The following MEGF11 variants were observed in gnomAD, a reference collection of about 807,000 sequenced individuals.
MEGF11 encodes the protein multiple EGF like domains 11.
In MEGF11, 126 loss-of-function variants were observed where a neutral mutation model predicts 146.6. That is an observed-to-expected ratio of 0.86 (90% CI 0.74 to 1.00). The LOEUF (loss-of-function observed/expected upper bound fraction) is 1.00. Ranked by LOEUF, MEGF11 falls within the 50% of genes least tolerant of loss-of-function variation. The probability of loss-of-function intolerance (pLI) is 0.00; values close to 1 mark genes in which losing one functional copy is unlikely to be tolerated. For missense variants in MEGF11, 1,509 were observed against 1,521.2 expected (o/e 0.99, Z 0.13); for synonymous variants, 532 against 583.4 (o/e 0.91, Z 1.27).
intron 10 of MEGF11, among the ~76,000 whole-genome samples, chr15:65,933,308 A>G (rs1206238946): frequency 2.0e-5 from 3 of 152,206 alleles, no homozygotes; most frequent in Non-Finnish European, 4.4e-5. Flanking sequence ...CTGGGTGCAG[A>G]CTGCAGGCAC....
intron 5 of MEGF11, among the ~76,000 whole-genome samples, chr15:66,026,620 A>T (rs2083339578): frequency 6.6e-6 from 1 of 151,636 alleles, no homozygotes; most frequent in Admixed American, 6.6e-5. Context: ...AGTAGCTGGG[A>T]TTACAGGCGC....
chr15:66,173,590 A>G (rs1027536254), intron 1 of MEGF11, among the ~76,000 whole-genome samples: 11 of 152,332 alleles, frequency 7.2e-5, no homozygotes, highest in African/African-American at 2.6e-4. Flanking sequence ...GTGTGGCATT[A>G]CAGGTGTGAA....
chr15:66,210,592 G>A (rs2091419711), intron 1 of MEGF11, among the ~76,000 whole-genome samples: 1 of 152,198 alleles, frequency 6.6e-6, no homozygotes, highest in African/African-American at 2.4e-5. Context: ...TTCTGGGTAA[G>A]GAAGCATGGG....
At chr15:66,134,132 G>T (rs1340974302) in intron 1 of MEGF11, among the ~76,000 whole-genome samples, 1 of 152,144 alleles carries the variant, frequency 6.6e-6, no homozygotes, top group East Asian at 1.9e-4. Context: ...GAGAGCAAGT[G>T]GCCCTGACAT....
chr15:66,067,081 T>C (rs1280079079), intron 5 of MEGF11, among the ~76,000 whole-genome samples: 1 of 152,214 alleles, frequency 6.6e-6, no homozygotes, highest in South Asian at 2.1e-4. Context: ...AGGTTTGATA[T>C]GAGGATTCAA....
chr15:65,923,573 G>A (rs1209998848), intron 13 of MEGF11, among the ~76,000 whole-genome samples: 1 of 152,158 alleles, frequency 6.6e-6, no homozygotes, highest in African/African-American at 2.4e-5. Flanking sequence ...ACATACAATA[G>A]AAACCAGTAC....
In MEGF11 at chr15:66,021,196, C is replaced by T. The variant is rs57643445; in HGVS notation, c.395-38708G>A. On this transcript the variant is annotated intron_variant, in intron 5 of 25. Coordinates refer to ENST00000395614, the MANE Select transcript of MEGF11 (RefSeq NM_001385028.1). ...GCCCACCCCTACCTTGTCTGGTGCT[C>T]CTGCTCCTTGATATTGTCATAAGTC... Among the ~76,000 whole-genome samples the T allele has an allele frequency of 3.9e-4, 60 of 152,228 alleles. 1 individual carries two copies. In the East Asian group the frequency reaches 8.3e-3, roughly 21 times the overall value.
intron 1 of MEGF11, among the ~76,000 whole-genome samples, chr15:66,151,203 C>T (rs1336711854): frequency 6.6e-6 from 1 of 152,182 alleles, no homozygotes; most frequent in East Asian, 1.9e-4. Context: ...AGCCACAAAG[C>T]CCTGACCAAA....
chr15:65,924,372 G>GT (rs1390154323), intron 13 of MEGF11, among the ~76,000 whole-genome samples: 110 of 136,934 alleles, frequency 8.0e-4, no homozygotes, highest in African/African-American at 2.7e-3. Context: ...TGGGGTGTGG[G>GT]TGGGGGGGGG....
At chr15:66,060,357 C>G (rs1036837122) in intron 5 of MEGF11, among the ~76,000 whole-genome samples, 4 of 152,194 alleles carry the variant, frequency 2.6e-5, no homozygotes, top group Non-Finnish European at 5.9e-5. Flanking sequence ...TTTCCATGCC[C>G]TTGAGACCCC....
At chr15:65,908,398 C>T (rs1317981238) in intron 23 of MEGF11, among the ~76,000 whole-genome samples, 1 of 152,152 alleles carries the variant, frequency 6.6e-6, no homozygotes, top group Non-Finnish European at 1.5e-5. Context: ...CCCATGATAC[C>T]TTCTGTAACT....
intron 1 of MEGF11, among the ~76,000 whole-genome samples, chr15:66,173,145 G>A (rs989529367): frequency 1.3e-5 from 2 of 151,616 alleles, no homozygotes; most frequent in South Asian, 4.4e-4. Context: ...CCTTTCTTAT[G>A]GTCTTTGTAT....
intron 5 of MEGF11, among the ~76,000 whole-genome samples, chr15:66,035,542 G>A (rs181583854): frequency 1.3e-5 from 2 of 152,256 alleles, no homozygotes; most frequent in Admixed American, 6.5e-5. Flanking sequence ...CAAAGCCAAA[G>A]CTTTTATCCA....
At chr15:66,133,600 A>T (rs2088755194) in intron 1 of MEGF11, among the ~76,000 whole-genome samples, 1 of 152,010 alleles carries the variant, frequency 6.6e-6, no homozygotes, top group African/African-American at 2.4e-5. Context: ...GCTGGCTCCC[A>T]GTCCCCAGCC....
At chr15:66,011,457 C>T (rs1490163922) in intron 5 of MEGF11, among the ~76,000 whole-genome samples, 2 of 152,224 alleles carry the variant, frequency 1.3e-5, no homozygotes, top group East Asian at 3.9e-4. Flanking sequence ...GTGTGGCCAC[C>T]CACTTGTGAA....
At chr15:65,916,310 C>T (rs899125708) in intron 17 of MEGF11, 34 bp from the exon 18 acceptor site, 1 of 1,541,228 alleles carries the variant, frequency 6.5e-7, no homozygotes. Context: ...ACGAGAGTTG[C>T]TGCTGGGTGG....
At chr15:66,252,099 G>A (rs1311984939) in intron 1 of MEGF11, among the ~76,000 whole-genome samples, 1 of 152,204 alleles carries the variant, frequency 6.6e-6, no homozygotes, top group Non-Finnish European at 1.5e-5. Flanking sequence ...CTGGGCCGGG[G>A]CTCCGCTGGC....
At chr15:66,127,243 C>T (rs1414061413) in intron 2 of MEGF11, among the ~76,000 whole-genome samples, 1 of 152,204 alleles carries the variant, frequency 6.6e-6, no homozygotes, top group African/African-American at 2.4e-5. Context: ...TCCCACTTCA[C>T]CAAAAAGGGA....
intron 1 of MEGF11, among the ~76,000 whole-genome samples, chr15:66,202,493 G>A (rs1255079028): frequency 1.3e-5 from 2 of 152,200 alleles, no homozygotes; most frequent in Non-Finnish European, 1.5e-5. Flanking sequence ...GAAGGAGCAT[G>A]CTGCAGCTGG....
Sources: gnomAD v4.1 joint callset for allele counts (sites outside exome capture counted in the v4.1 genomes callset) on GRCh38, gnomAD v4.1.1 for gene constraint, MANE v1.5 for transcripts, NCBI Gene and HGNC (gene_info 2026-07-23, HGNC 2026-07-21) for gene names.